LRRC4C: variants seen among roughly 807,000 people sequenced by gnomAD.
The protein encoded by LRRC4C is leucine rich repeat containing 4C, also known as leucine-rich repeat-containing protein 4C.
A neutral mutation model predicts 33.6 loss-of-function variants in LRRC4C; 5 were observed. The ratio of observed to expected loss-of-function variants is 0.15; its 90% confidence interval spans 0.08 to 0.31. The LOEUF is 0.31. LRRC4C is among the 10% of genes least tolerant of loss of function. The pLI, the probability that LRRC4C is intolerant of heterozygous loss-of-function variation, is 1.00. For missense variants in LRRC4C, 560 were observed against 796.7 expected (o/e 0.70, Z 3.58); for synonymous variants, 329 against 302.0 (o/e 1.09, Z -0.93).
intron 1 of LRRC4C, among the ~76,000 whole-genome samples, chr11:41,428,007 CT>C (rs1232572842): frequency 6.6e-6 from 1 of 152,086 alleles, no homozygotes; most frequent in African/African-American, 2.4e-5. Flanking sequence ...AACCCCACCC[CT>C]ATCTCCCTTC....
chr11:40,800,635 A>G (rs1312779801), intron 2 of LRRC4C, among the ~76,000 whole-genome samples: 1 of 152,204 alleles, frequency 6.6e-6, no homozygotes, highest in Non-Finnish European at 1.5e-5. Context: ...ATTAAGCTTT[A>G]GAGGCATTAG....
chr11:40,500,902 T>C (rs1954733251), intron 3 of LRRC4C, among the ~76,000 whole-genome samples: 1 of 152,088 alleles, frequency 6.6e-6, no homozygotes, highest in Non-Finnish European at 1.5e-5. Context: ...TTATCCAAGA[T>C]AGTTAACTCC....
chr11:41,065,936 A>T (rs1180775573), intron 1 of LRRC4C, among the ~76,000 whole-genome samples: 1 of 152,234 alleles, frequency 6.6e-6, no homozygotes, highest in African/African-American at 2.4e-5. Flanking sequence ...TCAAAGTTGG[A>T]TAAATCCACA....
intron 1 of LRRC4C, among the ~76,000 whole-genome samples, chr11:41,101,272 G>A (rs1293189652): frequency 6.6e-6 from 1 of 152,000 alleles, no homozygotes; most frequent in Non-Finnish European, 1.5e-5. Context: ...CTAATATGTA[G>A]CAAAGTCCAG....
chr11:40,481,120 C>T (rs763505531), intron 3 of LRRC4C, among the ~76,000 whole-genome samples: 4 of 151,050 alleles, frequency 2.6e-5, no homozygotes, highest in Non-Finnish European at 5.9e-5. Flanking sequence ...GTTTTTAATA[C>T]GTCCAACACA....
intron 3 of LRRC4C, among the ~76,000 whole-genome samples, chr11:40,454,494 C>A (rs1236504077): frequency 6.6e-6 from 1 of 151,978 alleles, no homozygotes; most frequent in African/African-American, 2.4e-5. Flanking sequence ...TAACTCACTG[C>A]CTTTATCTTA....
intron 1 of LRRC4C, among the ~76,000 whole-genome samples, chr11:40,937,339 T>C (rs899618494): frequency 5.9e-5 from 9 of 152,052 alleles, no homozygotes; most frequent in South Asian, 2.1e-4. Flanking sequence ...GTGGGAGATA[T>C]GGGTTGAAAA....
chr11:40,155,859 G>A (rs934453795), intron 5 of LRRC4C, among the ~76,000 whole-genome samples: 2 of 152,080 alleles, frequency 1.3e-5, no homozygotes, highest in Non-Finnish European at 2.9e-5. Context: ...TATGAAGCCA[G>A]CATCACCCTA....
rs1007829772 is a variant in LRRC4C, at chr11:40,723,376, A to G, written c.-406-75098T>C. ...GCTAGAGAAAAGCATCATATCACCT[A>G]TAAAGAAAACCCCATCAGGCTAACA... On this transcript the variant is annotated intron_variant, in intron 2 of 6. Transcript: ENST00000528697. Among the ~76,000 whole-genome samples, 4 of 152,160 alleles carry G rather than the reference A, an allele frequency of 2.6e-5. No homozygotes were observed. In the East Asian group the frequency reaches 7.7e-4, roughly 29 times the overall value.
chr11:40,679,662 C>T (rs1359064897), intron 2 of LRRC4C, among the ~76,000 whole-genome samples: 2 of 152,168 alleles, frequency 1.3e-5, no homozygotes, highest in East Asian at 1.9e-4. Flanking sequence ...GCAGCTTCCT[C>T]ATAGTGTTGA....
intron 1 of LRRC4C, among the ~76,000 whole-genome samples, chr11:41,432,813 C>T (rs982087945): frequency 1.3e-5 from 2 of 152,060 alleles, no homozygotes; most frequent in African/African-American, 4.8e-5. Context: ...ATTTTTCCCC[C>T]CTGTGGTGGA....
chr11:40,233,168 C>T (rs1336210660), intron 5 of LRRC4C, among the ~76,000 whole-genome samples: 1 of 152,154 alleles, frequency 6.6e-6, no homozygotes, highest in East Asian at 1.9e-4. Flanking sequence ...ATTCTCTTTG[C>T]CTTGCTGATG....
intron 3 of LRRC4C, among the ~76,000 whole-genome samples, chr11:40,576,874 G>A (rs771913017): frequency 5.9e-5 from 9 of 152,074 alleles, no homozygotes; most frequent in East Asian, 3.8e-4. Flanking sequence ...CATAGTATGC[G>A]CTCATTAAAT....
At chr11:40,283,352 T>A (rs1943608931) in intron 4 of LRRC4C, among the ~76,000 whole-genome samples, 1 of 152,194 alleles carries the variant, frequency 6.6e-6, no homozygotes, top group Non-Finnish European at 1.5e-5. Context: ...ATAAAATCAT[T>A]TGATTTAAAT....
intron 2 of LRRC4C, among the ~76,000 whole-genome samples, chr11:40,872,591 A>G (rs1171258815): frequency 1.3e-5 from 2 of 152,076 alleles, no homozygotes; most frequent in Non-Finnish European, 2.9e-5. Context: ...CTGTTTACCT[A>G]TATCTTTCCC....
rs145331220 is a variant in LRRC4C at position 40,898,871 on chromosome 11, C to T, written c.-407+34764G>A. On this transcript the variant is annotated intron_variant, in intron 2 of 6. Coordinates refer to ENST00000528697, the MANE Select transcript of LRRC4C (RefSeq NM_001258419.2). ...ACATGCTGGCCATCATAAGCACAGA[C>T]CTGTCACTGATACACAAAGCTACTT... Among the ~76,000 whole-genome samples, 1,272 of 152,078 alleles carry T rather than the reference C, an allele frequency of 8.4e-3. 5 individuals are homozygous for T. The highest frequency in any genetic ancestry group is 0.014 in the Admixed American group (219 of 15,274).
chr11:40,316,739 G>A (rs1945592571), intron 4 of LRRC4C, among the ~76,000 whole-genome samples: 1 of 151,852 alleles, frequency 6.6e-6, no homozygotes, highest in African/African-American at 2.4e-5. Context: ...ATCATTAGAA[G>A]CTTCATAAAT....
At chr11:40,778,395 A>T (rs1950092935) in intron 2 of LRRC4C, among the ~76,000 whole-genome samples, 1 of 152,230 alleles carries the variant, frequency 6.6e-6, no homozygotes, top group South Asian at 2.1e-4. Flanking sequence ...TATCTTTAAT[A>T]TCACTTTACA....
chr11:40,165,813 T>C (rs1436192251), intron 5 of LRRC4C, among the ~76,000 whole-genome samples: 71 of 151,976 alleles, frequency 4.7e-4, no homozygotes, highest in Non-Finnish European at 4.3e-4. Flanking sequence ...GGCGTGGTGG[T>C]GCATGCTTGT....
Sources: gnomAD v4.1 joint callset for allele counts (sites outside exome capture counted in the v4.1 genomes callset) on GRCh38, gnomAD v4.1.1 for gene constraint, MANE v1.5 for transcripts, NCBI Gene and HGNC (gene_info 2026-07-23, HGNC 2026-07-21) for gene names.